The following RPTOR variants were observed in gnomAD, a reference collection of about 807,000 sequenced individuals.
RPTOR encodes the protein regulatory-associated protein of mTOR.
In RPTOR, 21 loss-of-function variants were observed where a neutral mutation model predicts 169.9. The ratio of observed to expected loss-of-function variants is 0.12; its 90% CI spans 0.09 to 0.18. The LOEUF (loss-of-function observed/expected upper bound fraction) is 0.18, where lower values mean the gene tolerates loss of function less well. Among genes scored for constraint, RPTOR ranks in the 10% least tolerant of loss-of-function variants. The pLI, the probability that RPTOR is intolerant of heterozygous loss-of-function variation, is 1.00. For missense variants in RPTOR, 1,133 were observed against 1,855.9 expected, an observed-to-expected ratio of 0.61 and a Z score of 7.16; for synonymous variants, 732 against 753.2, an observed-to-expected ratio of 0.97 and a Z score of 0.46.
Position 80,947,042 on chromosome 17 carries a change from C to T in RPTOR, c.3141-185C>T, listed in dbSNP as rs530196411. Among the ~76,000 whole-genome samples, 1 of 152,342 alleles carries T rather than the reference C, an allele frequency of 6.6e-6. No individual in the cohort carries two copies. Among genetic ancestry groups the T allele is most frequent in the African/African-American group, 2.4e-5 (1 of 41,574 alleles). On this transcript the variant is annotated intron_variant, in intron 26 of 33. Coordinates refer to ENST00000306801, the MANE Select transcript of RPTOR (RefSeq NM_020761.3). The surrounding 1 kb of genome is among the most constrained non-coding windows in gnomAD (Gnocchi z 4.4). ...TTGTTGTCCAGGCTGGTCTTGAACTCCCAGGCTCCAACAGTCCTCCTGCTT... is the reference window on the plus strand; with the variant it reads ...TTGTTGTCCAGGCTGGTCTTGAACTTCCAGGCTCCAACAGTCCTCCTGCTT...
At chr17:80,608,757 C>CTGACCGTGTTGGTCT (rs1001939151) in intron 1 of RPTOR, among the ~76,000 whole-genome samples, 1 of 152,184 alleles carries the variant, frequency 6.6e-6, no homozygotes, top group Non-Finnish European at 1.5e-5. Flanking sequence ...CCCGCAGTAG[C>CTGACCGTGTTGGTCT]TGACCGTGTT....
intron 11 of RPTOR, among the ~76,000 whole-genome samples, chr17:80,850,431 C>T (rs767359896): frequency 3.3e-5 from 5 of 152,206 alleles, no homozygotes; most frequent in African/African-American, 7.2e-5. Context: ...GATGCACAGA[C>T]GCTGCAGTTT....
chr17:80,696,165 C>T (rs936624667), intron 3 of RPTOR, among the ~76,000 whole-genome samples: 2 of 152,118 alleles, frequency 1.3e-5, no homozygotes, highest in Non-Finnish European at 2.9e-5. Context: ...TTTAAACAGA[C>T]AAGATAAGTG....
Position 80,694,696 on chromosome 17 carries a change from C to T in RPTOR, c.349-13145C>T, listed in dbSNP as rs78366247. ...CTTAAGTAAGGAGGAGTGATTTTCC[C>T]GAGGAGATGTGGTATTGGTCGGAGT... is the stretch of plus-strand genomic sequence containing the variant. On this transcript the variant is annotated intron_variant, in intron 3 of 33. Coordinates refer to ENST00000306801, the MANE Select transcript of RPTOR (RefSeq NM_020761.3). Among the ~76,000 whole-genome samples, 582 of 152,282 alleles carry T rather than the reference C, an allele frequency of 3.8e-3. 3 individuals are homozygous for T. Among genetic ancestry groups the T allele is most frequent in the African/African-American group, 0.014 (564 of 41,544 alleles).
chr17:80,903,136 A>G (rs1258972311), intron 20 of RPTOR, among the ~76,000 whole-genome samples: 1 of 152,218 alleles, frequency 6.6e-6, no homozygotes, highest in Non-Finnish European at 1.5e-5. Context: ...GCGAGAAAGG[A>G]ACACAGCCCT....
At chr17:80,832,233 A>G (rs1313798077) in intron 9 of RPTOR, among the ~76,000 whole-genome samples, 1 of 152,186 alleles carries the variant, frequency 6.6e-6, no homozygotes, top group Non-Finnish European at 1.5e-5. Flanking sequence ...GGCATGTGTG[A>G]GCATAGGCAG....
At chr17:80,876,759 T>C (rs1242474077) in intron 13 of RPTOR, among the ~76,000 whole-genome samples, 37 of 97,892 alleles carry the variant, frequency 3.8e-4, no homozygotes, top group African/African-American at 1.4e-3. Context: ...CCACGCAGGG[T>C]GTGTGTGTCG....
At chr17:80,866,670 G>T (rs551517279) in intron 13 of RPTOR, among the ~76,000 whole-genome samples, 35 of 152,180 alleles carry the variant, frequency 2.3e-4, no homozygotes, top group Non-Finnish European at 4.4e-4. Flanking sequence ...CTTGATGGGA[G>T]AACATTTGAT....
chr17:80,886,957 G>A (rs2068254818), intron 17 of RPTOR, among the ~76,000 whole-genome samples: 1 of 152,172 alleles, frequency 6.6e-6, no homozygotes, highest in Non-Finnish European at 1.5e-5. Context: ...GGAGTGCTGT[G>A]GAGCTCCTGA....
At chr17:80,604,725 G>C (rs1465862581) in intron 1 of RPTOR, among the ~76,000 whole-genome samples, 1 of 152,156 alleles carries the variant, frequency 6.6e-6, no homozygotes, top group Non-Finnish European at 1.5e-5. Flanking sequence ...CATGGTGGCA[G>C]GCAAGAGAGC....
chr17:80,910,978 G>C (rs928296089), intron 21 of RPTOR, among the ~76,000 whole-genome samples: 1 of 152,032 alleles, frequency 6.6e-6, no homozygotes, highest in Non-Finnish European at 1.5e-5. Context: ...CTACAGGCGT[G>C]AGCCACCACA....
At position 80,673,682 on chromosome 17, in the gene RPTOR, G is replaced by A. The variant is rs558908489; in HGVS notation, c.348+29872G>A. Among the ~76,000 whole-genome samples the A allele has an allele frequency of 6.6e-5, 10 of 152,306 alleles. No homozygotes were observed. The South Asian group carries it at 1.0e-3, about 16-fold the overall frequency. Reference sequence around the variant, plus strand: ...CTTCAGGATCTGCTGGGAAAGTCGTGTTTCATTTCCTGTTTCAATTCTTCA... The same window carrying A: ...CTTCAGGATCTGCTGGGAAAGTCGTATTTCATTTCCTGTTTCAATTCTTCA... On this transcript the variant is annotated intron_variant, in intron 3 of 33. Coordinates refer to ENST00000306801, the MANE Select transcript of RPTOR (RefSeq NM_020761.3).
chr17:80,758,455 CTGTT>C (rs993898637), intron 6 of RPTOR, among the ~76,000 whole-genome samples: 94 of 152,236 alleles, frequency 6.2e-4, no homozygotes, highest in African/African-American at 2.1e-3. Flanking sequence ...GCCCCTGAAG[CTGTT>C]TGGGTAGAAA....
chr17:80,875,784 G>GC (rs571139140), intron 13 of RPTOR, among the ~76,000 whole-genome samples: 93 of 137,250 alleles, frequency 6.8e-4, no homozygotes, highest in African/African-American at 2.5e-3. Context: ...CCTGTGCCAC[G>GC]CAGGGTGTGT....
In RPTOR at chr17:80,937,364, G is replaced by A. The variant is rs945185239; in HGVS notation, c.2920-3132G>A. Among the ~76,000 whole-genome samples, 4 of 152,094 alleles carry A rather than the reference G, an allele frequency of 2.6e-5. 1 individual carries two copies. The highest frequency in any genetic ancestry group is 4.1e-4 in the South Asian group (2 of 4,826). On this transcript the variant is annotated intron_variant, in intron 24 of 33. Coordinates refer to ENST00000306801, the MANE Select transcript of RPTOR (RefSeq NM_020761.3). ...CAGCTCTAAGGCTCCCAGATTCCCC[G>A]GATAAGAATTTATCCCAAAACTGCC...
At chr17:80,791,549 G>A in intron 7 of RPTOR, 40 bp downstream of exon 7, 2 of 1,574,464 alleles carry the variant, frequency 1.3e-6, no homozygotes, top group Non-Finnish European at 1.7e-6. Flanking sequence ...CTCTGGATCT[G>A]ATGAGTTTCT....
intron 24 of RPTOR, among the ~76,000 whole-genome samples, chr17:80,932,888 C>A (rs2068915379): frequency 6.6e-6 from 1 of 152,090 alleles, no homozygotes; most frequent in African/African-American, 2.4e-5. Context: ...AAAGAGAAAA[C>A]CTTGAAGACC....
At position 80,884,413 on chromosome 17, in the gene RPTOR, C is replaced by A. The variant is rs181739885; in HGVS notation, c.1842+441C>A. Among the ~76,000 whole-genome samples the A allele has an allele frequency of 5.3e-5, 8 of 152,332 alleles. No homozygotes were observed. In the East Asian group the frequency reaches 1.4e-3, roughly 26 times the overall value. On this transcript the variant is annotated intron_variant, in intron 16 of 33. Coordinates refer to ENST00000306801, the MANE Select transcript of RPTOR (RefSeq NM_020761.3). The stretch of plus-strand genomic sequence containing the variant: ...GGGCTGGAACTCTGGGAGTTTCATG[C>A]ACCATTGCCTTCACTCTTCCCACCG...
At chr17:80,939,385 A>G (rs1277009030) in intron 24 of RPTOR, among the ~76,000 whole-genome samples, 4 of 152,264 alleles carry the variant, frequency 2.6e-5, no homozygotes, top group Admixed American at 1.3e-4. Context: ...ACACACGCAC[A>G]CACACGCATG....
Sources: gnomAD v4.1 joint callset for allele counts (sites outside exome capture counted in the v4.1 genomes callset) on GRCh38, gnomAD v4.1.1 for gene constraint, Gnocchi (gnomAD v3.1) non-coding constraint, MANE v1.5 for transcripts, NCBI Gene and HGNC (gene_info 2026-07-23, HGNC 2026-07-21) for gene names.